The following ACOT1 variants were observed in gnomAD, a reference collection of about 807,000 sequenced individuals.
The protein encoded by ACOT1 is acyl-CoA thioesterase 1.
A neutral mutation model predicts 15.7 loss-of-function variants in ACOT1; 8 were observed. That is an observed-to-expected ratio of 0.51 (90% CI 0.30 to 0.92). The LOEUF (loss-of-function observed/expected upper bound fraction) is 0.92, where lower values mean the gene tolerates loss of function less well. ACOT1 is among the 40% of genes least tolerant of loss of function. The pLI is 0.06. For synonymous variants in ACOT1, 67 were observed against 241.2 expected (o/e 0.28, Z 6.69); for missense variants, 151 against 539.4 (o/e 0.28, Z 7.13).
At chr14:73,500,600 G>A in the ACOT1 span, 13 of 1,613,900 alleles carry the variant, frequency 8.1e-6, no homozygotes, top group South Asian at 2.2e-5. Flanking sequence ...GCTGCCCGCC[G>A]AACTGCTGTG....
upstream of ACOT1, among the ~76,000 whole-genome samples, chr14:73,533,244 A>G (rs1888762151): frequency 1.7e-5 from 2 of 115,528 alleles, 1 homozygote; most frequent in Non-Finnish European, 3.8e-5. Context: ...CAGGGACTTT[A>G]ACAGATATTT....
At chr14:73,501,854 C>T in the ACOT1 span, among the ~76,000 whole-genome samples, 4 of 151,498 alleles carry the variant, frequency 2.6e-5, no homozygotes, top group East Asian at 3.9e-4. Flanking sequence ...CCCAGGTTCA[C>T]GCCATTCTCC....
At chr14:73,533,496 T>A (rs1444270966), upstream of ACOT1, among the ~76,000 whole-genome samples, 1 of 113,992 alleles carries the variant, frequency 8.8e-6, no homozygotes, top group African/African-American at 2.9e-5. Flanking sequence ...CTGGTCAACA[T>A]GGTGGAACCC....
the ACOT1 span, chr14:73,491,174 C>T: frequency 1.5e-5 from 24 of 1,601,956 alleles, no homozygotes; most frequent in East Asian, 4.8e-4. Context: ...CATGGCAGCG[C>T]TGAGGACGCA....
chr14:73,527,824 A>T, the ACOT1 span, among the ~76,000 whole-genome samples: 5 of 151,732 alleles, frequency 3.3e-5, no homozygotes, highest in African/African-American at 1.2e-4. Context: ...CTACAAATAC[A>T]AAAAATTAGC....
chr14:73,492,854 T>A, the ACOT1 span: 16 of 1,613,834 alleles, frequency 9.9e-6, no homozygotes, highest in Non-Finnish European at 1.4e-5. This position sits in a 1 kb window ranked among gnomAD's most constrained non-coding sequence, Gnocchi z 4.9. Context: ...GGACCTGCCC[T>A]GTGACAGTGT....
the ACOT1 span, among the ~76,000 whole-genome samples, chr14:73,524,310 A>AAAAAAATATATATATATATATATATAT: frequency 1.8e-5 from 1 of 54,788 alleles, no homozygotes; most frequent in African/African-American, 8.8e-5. Flanking sequence ...AAAAAAAAAA[A>AAAAAAATATATATATATATATATATAT]ATATATATAT....
chr14:73,519,086 G>A, the ACOT1 span: 23 of 1,613,904 alleles, frequency 1.4e-5, no homozygotes, highest in Admixed American at 5.0e-5. Context: ...TTAGATAGCT[G>A]CTTGTTGTAC....
the ACOT1 span, among the ~76,000 whole-genome samples, chr14:73,500,295 T>TA: frequency 6.7e-6 from 1 of 150,246 alleles, no homozygotes; most frequent in Non-Finnish European, 1.5e-5. Flanking sequence ...TTTTTTTTTT[T>TA]AGCTCATCAA....
At chr14:73,522,830 A>G in the ACOT1 span, 1 of 1,614,174 alleles carries the variant, frequency 6.2e-7, no homozygotes, top group Non-Finnish European at 8.5e-7. Context: ...GGCCTTCCTG[A>G]TCTGGGGAGT....
the ACOT1 span, among the ~76,000 whole-genome samples, chr14:73,524,310 A>AAAAAAAT: frequency 0.022 from 1,213 of 54,634 alleles, 35 homozygotes; most frequent in Non-Finnish European, 0.031. Flanking sequence ...AAAAAAAAAA[A>AAAAAAAT]ATATATATAT....
chr14:73,509,809 CCCATATATATATATATATATATATATAT>C, the ACOT1 span, among the ~76,000 whole-genome samples: 1,435 of 5,188 alleles, frequency 0.28, 81 homozygotes, highest in Non-Finnish European at 0.31. Context: ...GCCCCATGAG[CCCATATATATATATATATATATATATAT>C]ATATATATAT....
the ACOT1 span, among the ~76,000 whole-genome samples, chr14:73,497,906 G>A: frequency 6.6e-6 from 1 of 152,172 alleles, no homozygotes; most frequent in African/African-American, 2.4e-5. Context: ...GATTACAGGC[G>A]TGAGTCATCA....
At chr14:73,492,347 A>G in the ACOT1 span, 18 of 1,613,788 alleles carry the variant, frequency 1.1e-5, no homozygotes, top group East Asian at 2.2e-5. This position sits in a 1 kb window ranked among gnomAD's most constrained non-coding sequence, Gnocchi z 4.9. Context: ...GCAGGCTGCA[A>G]TGGAAGAAAA....
the ACOT1 span, among the ~76,000 whole-genome samples, chr14:73,526,335 G>A: frequency 6.6e-6 from 1 of 152,168 alleles, no homozygotes; most frequent in Admixed American, 6.5e-5. Flanking sequence ...GTGGCCTGGG[G>A]CCCTGAATAC....
upstream of ACOT1, among the ~76,000 whole-genome samples, chr14:73,532,154 C>T (rs184273211): frequency 3.4e-5 from 4 of 116,062 alleles, 1 homozygote; most frequent in African/African-American, 8.4e-5. Context: ...CTCTGGCAGG[C>T]GTCAGATTAC....
At chr14:73,509,810 C>CTATATATATATATATA in the ACOT1 span, among the ~76,000 whole-genome samples, 2 of 63,198 alleles carry the variant, frequency 3.2e-5, 1 homozygote, top group Non-Finnish European at 6.1e-5. Context: ...CCCCATGAGC[C>CTATATATATATATATA]CATATATATA....
At chr14:73,514,588 C>T in the ACOT1 span, among the ~76,000 whole-genome samples, 3 of 152,134 alleles carry the variant, frequency 2.0e-5, no homozygotes, top group Admixed American at 6.5e-5. Flanking sequence ...ATATTTGATA[C>T]GTTGCAATTT....
At chr14:73,526,115 G>C in the ACOT1 span, among the ~76,000 whole-genome samples, 1 of 151,672 alleles carries the variant, frequency 6.6e-6, no homozygotes, top group African/African-American at 2.4e-5. Context: ...ACAGCTTGGA[G>C]AGAGAATCTG....
Sources: gnomAD v4.1 joint callset for allele counts (sites outside exome capture counted in the v4.1 genomes callset) on GRCh38, gnomAD v4.1.1 for gene constraint, Gnocchi (gnomAD v3.1) non-coding constraint, MANE v1.5 for transcripts, NCBI Gene and HGNC (gene_info 2026-07-23, HGNC 2026-07-21) for gene names.